Variants in USP9X observed in about 807,000 individuals in gnomAD.
The protein encoded by USP9X is ubiquitin specific peptidase 9 X-linked.
In USP9X, 7 loss-of-function variants were observed where a neutral mutation model predicts 190.3. That is an observed-to-expected ratio of 0.04 (90% CI 0.02 to 0.07). USP9X has a LOEUF of 0.07. Among genes scored for constraint, USP9X ranks in the 10% least tolerant of loss-of-function variants. The pLI, the probability that USP9X is intolerant of heterozygous loss-of-function variation, is 1.00. For missense variants in USP9X, 1,010 were observed against 1,916.9 expected (o/e 0.53, Z 8.83); for synonymous variants, 645 against 659.5 (o/e 0.98, Z 0.34).
chrX:41,219,491 G>A (rs1446696197), intron 38 of USP9X, among the ~76,000 whole-genome samples: 1 of 107,486 alleles, frequency 9.3e-6, no homozygotes, highest in Non-Finnish European at 1.9e-5. Flanking sequence ...AAATCTGGCT[G>A]CTTTTGGAAA....
chrX:41,211,985 G>A (rs1411602555), intron 33 of USP9X, among the ~76,000 whole-genome samples: 1 of 113,918 alleles, frequency 8.8e-6, no homozygotes, highest in African/African-American at 3.2e-5. Context: ...TTGAGAACAG[G>A]CCATGATGAC....
At chrX:41,086,588 C>T (rs1419094149) in intron 1 of USP9X, among the ~76,000 whole-genome samples, 1 of 112,273 alleles carries the variant, frequency 8.9e-6, no homozygotes, top group Non-Finnish European at 1.9e-5. Flanking sequence ...GGAGCTAGGC[C>T]TCGGCTACGC....
chrX:41,186,574 C>T lies in USP9X; in HGVS notation c.3616C>T (p.Pro1206Ser). 1 of 1,210,933 alleles carries T rather than the reference C, an allele frequency of 8.3e-7. No homozygotes were observed. Among genetic ancestry groups the T allele is most frequent in the Non-Finnish European group, 1.1e-6 (1 of 894,853 alleles). The change falls in exon 24 of 45, where the codon CCT (proline) becomes TCT (serine). Residue 1206 changes from proline to serine, a missense_variant. Pro to Ser is a moderately conservative substitution (Grantham distance 74). This residue lies in a region of USP9X where 351 missense variants were observed against 480.8 expected (regional missense o/e 0.73). Coordinates refer to ENST00000378308, the MANE Select transcript of USP9X (RefSeq NM_001039591.3). ...VVLQSALQSIPNPSSECMLRN... is the reference protein window; with the variant it reads ...VVLQSALQSISNPSSECMLRN... ...GCTACAAAGTGCCCTTCAGAGCATT[C>T]CTAATCCATCATCCGAGTGCATGCT...
Position 41,184,614 on chromosome X carries a change from A to G in USP9X, c.3497A>G (p.His1166Arg), listed in dbSNP as rs777204616. ...TTGCTAACTGCCATTGGCTATGGTCATGTTCGAGCTGTGGCAGAAGCTTGT... is the reference window on the plus strand; with the variant it reads ...TTGCTAACTGCCATTGGCTATGGTCGTGTTCGAGCTGTGGCAGAAGCTTGT... Reference protein sequence around the residue: ...KLLLTAIGYGHVRAVAEACQP... With the variant: ...KLLLTAIGYGRVRAVAEACQP... The change falls in exon 23 of 45, where the codon CAT becomes CGT. Residue 1166 changes from histidine (H) to arginine (R), a missense_variant. His to Arg is a conservative substitution (Grantham distance 29, BLOSUM62 0). Transcript: ENST00000378308. The G allele has an allele frequency of 2.5e-6, 3 of 1,210,134 alleles. No homozygotes were observed. The highest frequency in any genetic ancestry group is 3.5e-5 in the South Asian group (2 of 56,825).
chrX:41,198,735 G>A lies in USP9X; in HGVS notation c.4588G>A (p.Gly1530Ser). 8.3e-7 allele frequency: 1 copy of A among 1,197,988 alleles called. No homozygotes were observed. Among genetic ancestry groups the A allele is most frequent in the Non-Finnish European group, 1.1e-6 (1 of 885,209 alleles). ...VDSLTEMYYI[G>S]TAITTCEALT... ...TTCTTTGACTGAAATGTATTACATT[G>A]GCACAGCAATAACTAGTAAGTATTT... The change falls in exon 30 of 45, where the codon GGC (glycine) becomes AGC (serine). Residue 1530 changes from glycine (G) to serine (S), a missense_variant. By Grantham distance (56) the Gly-to-Ser change is moderately conservative. Coordinates refer to ENST00000378308, the MANE Select transcript of USP9X (RefSeq NM_001039591.3).
At chrX:41,143,482 TAAAGATACTAAAAA>T (rs1399395932) in intron 10 of USP9X, 39 bp downstream of exon 10, 1 of 1,087,572 alleles carries the variant, frequency 9.2e-7, no homozygotes, top group Non-Finnish European at 1.2e-6. Flanking sequence ...GTTTTTAAAA[TAAAGATACTAAAAA>T]CTGAAGAAAT....
intron 21 of USP9X, among the ~76,000 whole-genome samples, chrX:41,178,027 C>T (rs73480443): frequency 9.7e-4 from 103 of 105,957 alleles, no homozygotes; most frequent in African/African-American, 3.4e-3. Flanking sequence ...CTGGAATCTG[C>T]CATTCCAGAG....
chrX:41,168,669 A>T (rs920547461), intron 18 of USP9X, among the ~76,000 whole-genome samples: 18 of 110,537 alleles, frequency 1.6e-4, no homozygotes, highest in African/African-American at 3.9e-4. Context: ...ATTTTTTTTG[A>T]CTTTTTGTGG....
chrX:41,148,212 A>G (rs926995834), intron 11 of USP9X, among the ~76,000 whole-genome samples, 157 bp from the exon 12 acceptor site: 1 of 111,936 alleles, frequency 8.9e-6, no homozygotes, highest in African/African-American at 3.3e-5. Context: ...TACCCTATAA[A>G]AAAAATACCA....
At chrX:41,197,341 A>ACCCCCC in intron 28 of USP9X, 23 bp from the exon 29 acceptor site, 5 of 288,799 alleles carry the variant, frequency 1.7e-5, no homozygotes, top group Non-Finnish European at 1.5e-5. Context: ...TCCCCCCCCC[A>ACCCCCC]CCCCACCCCC....
intron 1 of USP9X, among the ~76,000 whole-genome samples, chrX:41,088,225 C>T (rs1354716349): frequency 8.9e-6 from 1 of 111,979 alleles, no homozygotes; most frequent in East Asian, 2.8e-4. Flanking sequence ...CCTCGTGATC[C>T]GCCCGTGTCG....
At chrX:41,126,703 A>G (rs2062256988) in intron 2 of USP9X, among the ~76,000 whole-genome samples, 1 of 111,542 alleles carries the variant, frequency 9.0e-6, no homozygotes, top group Admixed American at 9.6e-5. Flanking sequence ...AAATTACATT[A>G]TCCCTCACTC....
Position 41,196,569 on chromosome X carries a change from A to T in USP9X, c.4087-23A>T, listed in dbSNP as rs758473154. ...ATTTTGAGGATGGACGTGTAAATTGATATTATTCTACTCTGTTTCCAGAGC... is the reference window on the plus strand; with the variant it reads ...ATTTTGAGGATGGACGTGTAAATTGTTATTATTCTACTCTGTTTCCAGAGC... On this transcript the variant is annotated intron_variant, in intron 27 of 44. Coordinates refer to ENST00000378308, the MANE Select transcript of USP9X (RefSeq NM_001039591.3). The T allele has an allele frequency of 5.8e-6, 7 of 1,199,955 alleles. No individual in the cohort carries two copies. The South Asian group carries it at 9.2e-5, about 16-fold the overall frequency.
At chrX:41,137,716 T>C (rs1176680462) in intron 6 of USP9X, among the ~76,000 whole-genome samples, 1 of 111,207 alleles carries the variant, frequency 9.0e-6, no homozygotes, top group East Asian at 2.8e-4. Context: ...GCTGAAGTTA[T>C]CAAAAAAAGG....
chrX:41,127,467 A>T (rs1199162485), intron 2 of USP9X, among the ~76,000 whole-genome samples: 1 of 112,277 alleles, frequency 8.9e-6, no homozygotes, highest in African/African-American at 3.2e-5. Flanking sequence ...TTTATTTTTT[A>T]TATTTTCTAT....
intron 1 of USP9X, among the ~76,000 whole-genome samples, chrX:41,087,231 T>C (rs2061919996): frequency 8.9e-6 from 1 of 112,530 alleles, no homozygotes; most frequent in African/African-American, 3.2e-5. Flanking sequence ...TTCTTTTACC[T>C]GGAAACCCAT....
At chrX:41,121,005 A>ATTTTTTTTTTT (rs201533412) in intron 1 of USP9X, among the ~76,000 whole-genome samples, 1 of 96,590 alleles carries the variant, frequency 1.0e-5, no homozygotes, top group Non-Finnish European at 2.1e-5. Context: ...TGCCTGGCTA[A>ATTTTTTTTTTT]TTTTTTTTTT....
chrX:41,177,130 G>A (rs190992897), intron 21 of USP9X, among the ~76,000 whole-genome samples: 1 of 111,745 alleles, frequency 8.9e-6, no homozygotes, highest in East Asian at 2.8e-4. Context: ...AAACAAGAAT[G>A]TTCTCACTTA....
intron 33 of USP9X, among the ~76,000 whole-genome samples, chrX:41,213,670 A>G (rs2063185821): frequency 8.9e-6 from 1 of 112,119 alleles, no homozygotes. Flanking sequence ...TAATGTTAGA[A>G]CACCTTCTTT....
Sources: gnomAD v4.1 joint callset for allele counts (sites outside exome capture counted in the v4.1 genomes callset) on GRCh38, gnomAD v4.1.1 for gene constraint, gnomAD v4.1.1 regional missense constraint, MANE v1.5 for transcripts, NCBI Gene and HGNC (gene_info 2026-07-23, HGNC 2026-07-21) for gene names.